The following USH2A variants were observed in gnomAD, a reference collection of about 807,000 sequenced individuals.
The protein encoded by USH2A is usherin.
USH2A carries 443 observed loss-of-function variants against 538.9 expected under a neutral mutation model. The observed-to-expected ratio is 0.82, with a 90% confidence interval of 0.76 to 0.89. The LOEUF (loss-of-function observed/expected upper bound fraction) is 0.89, where lower values mean the gene tolerates loss of function less well. Ranked by LOEUF, USH2A falls within the 40% of genes least tolerant of loss-of-function variation. USH2A has a pLI of 0.00. For missense variants in USH2A, 6,633 were observed against 6,324.8 expected (o/e 1.05, Z -1.65); for synonymous variants, 2,413 against 2,273.5 (o/e 1.06, Z -1.75).
chr1:215,965,529 G>C, intron 36 of USH2A, 50 bp from the exon 37 acceptor site: 1 of 1,597,954 alleles, frequency 6.3e-7, no homozygotes, highest in East Asian at 2.2e-5. Context: ...ATAAGTACAT[G>C]CTTCGCTTTG....
intron 21 of USH2A, among the ~76,000 whole-genome samples, chr1:216,130,567 T>C (rs1468606521): frequency 7.0e-6 from 1 of 143,630 alleles, no homozygotes; most frequent in South Asian, 2.1e-4. Context: ...ATATTATATA[T>C]AATATATAAT....
At position 215,656,949 on chromosome 1, in the gene USH2A, G is replaced by A. The variant is rs571816172; in HGVS notation, c.14134-6148C>T. Among the ~76,000 whole-genome samples, 6 of 152,250 alleles carry A rather than the reference G, an allele frequency of 3.9e-5. No individual in the cohort carries two copies. The East Asian group carries it at 7.7e-4, about 20-fold the overall frequency. On this transcript the variant is annotated intron_variant, in intron 64 of 71. Transcript: ENST00000307340. ...ATAAGTAAACAGGTTGTATGTTAAC[G>A]GGCAAACAATTAAATTATTTGTTTC...
chr1:216,407,281 C>T (rs1302054492), intron 3 of USH2A, among the ~76,000 whole-genome samples: 2 of 152,242 alleles, frequency 1.3e-5, no homozygotes, highest in East Asian at 3.9e-4. Flanking sequence ...TGCTGTCTAA[C>T]ATAAGACATT....
At chr1:215,951,974 C>T (rs1088051) in intron 37 of USH2A, among the ~76,000 whole-genome samples, 37,207 of 151,072 alleles carry the variant, frequency 0.25, 5,033 homozygotes, top group Non-Finnish European at 0.31. Flanking sequence ...ACGCCATTCT[C>T]CTGCCTCAGC....
chr1:216,418,950 T>C (rs1028728713), intron 2 of USH2A, among the ~76,000 whole-genome samples: 4 of 152,118 alleles, frequency 2.6e-5, no homozygotes, highest in Admixed American at 1.3e-4. Flanking sequence ...GAAACTAAAG[T>C]GGTTGAATCA....
rs1558299666 is a variant in USH2A, at chr1:216,177,099, C to T, written c.4397-1617G>A. Reference sequence around the variant, plus strand: ...ATACCAAGAAGTGCAATTGCTGTATCATATGGTAAGAGCATGTTTGGTTTT... The same window carrying T: ...ATACCAAGAAGTGCAATTGCTGTATTATATGGTAAGAGCATGTTTGGTTTT... On this transcript the variant is annotated intron_variant, in intron 20 of 71. Transcript: ENST00000307340. Among the ~76,000 whole-genome samples, 3 of 152,082 alleles carry T rather than the reference C, an allele frequency of 2.0e-5. No individual in the cohort carries two copies. The East Asian group carries it at 5.8e-4, about 29-fold the overall frequency.
chr1:216,309,105 A>G (rs1571687171), intron 9 of USH2A, among the ~76,000 whole-genome samples: 1 of 152,182 alleles, frequency 6.6e-6, no homozygotes, highest in Non-Finnish European at 1.5e-5. Flanking sequence ...CGATTGTAAA[A>G]CCTTCTATGA....
At chr1:216,409,111 GC>G (rs750513339) in intron 3 of USH2A, among the ~76,000 whole-genome samples, 53 of 152,184 alleles carry the variant, frequency 3.5e-4, no homozygotes, top group Admixed American at 4.6e-4. Context: ...TTGATTAGAA[GC>G]AGGTGAAACA....
chr1:216,002,990 C>A (rs1366705433), intron 32 of USH2A, among the ~76,000 whole-genome samples: 2 of 152,114 alleles, frequency 1.3e-5, no homozygotes, highest in Admixed American at 6.6e-5. Context: ...ATCACCTAAG[C>A]CCTAAACCCA....
intron 21 of USH2A, among the ~76,000 whole-genome samples, chr1:216,156,686 T>G (rs977789576): frequency 1.3e-5 from 2 of 152,082 alleles, no homozygotes; most frequent in African/African-American, 4.8e-5. Context: ...GAGACCTAAT[T>G]AAACTAAAGT....
chr1:215,705,318 G>A (rs2364859), intron 61 of USH2A, among the ~76,000 whole-genome samples: 27,097 of 152,068 alleles, frequency 0.18, 2,793 homozygotes, highest in East Asian at 0.41. Context: ...TGCCTTTTGT[G>A]TATACTTTTT....
chr1:215,749,907 T>C (rs538671731), intron 58 of USH2A, among the ~76,000 whole-genome samples: 1 of 152,338 alleles, frequency 6.6e-6, no homozygotes, highest in Admixed American at 6.5e-5. Flanking sequence ...TGATAGGTTA[T>C]TTAACATTTA....
intron 58 of USH2A, among the ~76,000 whole-genome samples, chr1:215,753,511 G>A (rs1660686607): frequency 6.6e-6 from 1 of 152,102 alleles, no homozygotes; most frequent in Admixed American, 6.6e-5. Context: ...GTCCTTTGTG[G>A]GGACACAGAT....
chr1:216,012,293 C>T (rs1668594259), intron 32 of USH2A, among the ~76,000 whole-genome samples: 1 of 151,998 alleles, frequency 6.6e-6, no homozygotes, highest in Admixed American at 6.5e-5. Context: ...TCTCAGTGTT[C>T]CATCTGCTAT....
rs199879686 is a variant in USH2A at position 215,721,611 on chromosome 1, T to C, written c.12066+6419A>G. Reference sequence around the variant, plus strand: ...TACATGGTTTTCATCCCCAATAATGTTGAGCAAAAGGTAGATTCTTTATAT... The same window carrying C: ...TACATGGTTTTCATCCCCAATAATGCTGAGCAAAAGGTAGATTCTTTATAT... On this transcript the variant is annotated intron_variant, in intron 61 of 71. Coordinates refer to ENST00000307340, the MANE Select transcript of USH2A (RefSeq NM_206933.4). Among the ~76,000 whole-genome samples, 10 of 152,226 alleles carry C rather than the reference T, an allele frequency of 6.6e-5. No homozygotes were observed. The East Asian group carries it at 1.9e-3, about 29-fold the overall frequency.
At chr1:216,190,120 G>A in intron 20 of USH2A, 103 bp downstream of exon 20, 1 of 1,492,432 alleles carries the variant, frequency 6.7e-7, no homozygotes, top group Non-Finnish European at 9.1e-7. Flanking sequence ...TAGTGAGGGA[G>A]GAGAAGACAA....
intron 37 of USH2A, among the ~76,000 whole-genome samples, chr1:215,941,547 G>A (rs1226874199): frequency 6.6e-6 from 1 of 152,054 alleles, no homozygotes; most frequent in Non-Finnish European, 1.5e-5. Flanking sequence ...TACTCTCATA[G>A]AAAGTGGTCT....
Position 216,257,094 on chromosome 1 carries a change from T to C in USH2A, c.1972-5996A>G, listed in dbSNP as rs573101112. On this transcript the variant is annotated intron_variant, in intron 11 of 71. Coordinates refer to ENST00000307340, the MANE Select transcript of USH2A (RefSeq NM_206933.4). ...TAAATCATTAGAAAAATACCCTCCG[T>C]ATTTACCAATGCAGTTGCCATTTTG... 3.3e-5 allele frequency among the ~76,000 whole-genome samples: 5 copies of C among 152,156 alleles called. No individual in the cohort carries two copies. The South Asian group carries it at 8.3e-4, about 25-fold the overall frequency.
chr1:215,966,233 A>C (rs6690523), intron 36 of USH2A, among the ~76,000 whole-genome samples: 28,633 of 152,038 alleles, frequency 0.19, 2,974 homozygotes, highest in African/African-American at 0.28. Flanking sequence ...ATTTCAATAG[A>C]TAAATAAGTA....
Sources: gnomAD v4.1 joint callset for allele counts (sites outside exome capture counted in the v4.1 genomes callset) on GRCh38, gnomAD v4.1.1 for gene constraint, MANE v1.5 for transcripts, NCBI Gene and HGNC (gene_info 2026-07-23, HGNC 2026-07-21) for gene names.